Variants in SRRM3 observed in about 807,000 individuals in gnomAD.
SRRM3 encodes the protein serine/arginine repetitive matrix protein 3.
Under a neutral mutation model 66.2 loss-of-function variants are expected in SRRM3, and 27 were observed. The ratio of observed to expected loss-of-function variants is 0.41; its 90% confidence interval spans 0.30 to 0.56. The LOEUF (loss-of-function observed/expected upper bound fraction) is 0.56. SRRM3 is among the 20% of genes least tolerant of loss of function. The pLI is 0.32. For missense variants in SRRM3, 918 were observed against 991.9 expected (o/e 0.93, Z 1.00); for synonymous variants, 391 against 414.9 (o/e 0.94, Z 0.70).
chr7:76,227,164 T>C (rs1295546394), intron 1 of SRRM3, among the ~76,000 whole-genome samples: 1 of 142,894 alleles, frequency 7.0e-6, no homozygotes, highest in Non-Finnish European at 1.5e-5. Flanking sequence ...CAATCAGTGG[T>C]AGGGTAAAGA....
At chr7:76,255,302 A>G in intron 3 of SRRM3, among the ~76,000 whole-genome samples, 1 of 151,532 alleles carries the variant, frequency 6.6e-6, no homozygotes, top group Non-Finnish European at 1.5e-5. Context: ...GGCATGTGCC[A>G]CCACACCCAG....
intron 2 of SRRM3, among the ~76,000 whole-genome samples, chr7:76,240,374 A>G (rs1801253826): frequency 6.6e-6 from 1 of 152,062 alleles, no homozygotes; most frequent in African/African-American, 2.4e-5. Flanking sequence ...TAATCCCAGC[A>G]CTTTGGGAGG....
intron 1 of SRRM3, among the ~76,000 whole-genome samples, chr7:76,215,370 T>C (rs1474505993): frequency 6.8e-6 from 1 of 146,708 alleles, no homozygotes; most frequent in Admixed American, 6.9e-5. Flanking sequence ...AGTCCAATAC[T>C]GGGCTGGGAG....
At chr7:76,229,741 C>CTTTTTTT (rs869140956) in intron 1 of SRRM3, among the ~76,000 whole-genome samples, 15 of 133,102 alleles carry the variant, frequency 1.1e-4, no homozygotes, top group African/African-American at 1.4e-4. Context: ...TCTTCTTCTT[C>CTTTTTTT]TTTTTTTTTT....
intron 1 of SRRM3, among the ~76,000 whole-genome samples, chr7:76,227,011 C>T (rs563341809): frequency 6.6e-6 from 1 of 152,266 alleles, no homozygotes; most frequent in South Asian, 2.1e-4. Context: ...GGGACTTGTT[C>T]ATGGTCTCAC....
chr7:76,280,433 T>TG (rs1181321992), intron 11 of SRRM3, among the ~76,000 whole-genome samples: 17 of 106,514 alleles, frequency 1.6e-4, no homozygotes, highest in African/African-American at 5.9e-4. Context: ...CCCCAAGCGC[T>TG]GGGGGTCCGG....
intron 1 of SRRM3, among the ~76,000 whole-genome samples, chr7:76,210,683 G>A (rs1038786662): frequency 2.0e-5 from 3 of 152,238 alleles, no homozygotes; most frequent in Non-Finnish European, 4.4e-5. Flanking sequence ...TTGGGGGGGC[G>A]GGTAGTGCAC....
intron 11 of SRRM3, 52 bp downstream of exon 11, chr7:76,267,487 C>T: frequency 8.4e-6 from 8 of 953,988 alleles, no homozygotes; most frequent in East Asian, 1.2e-4. Context: ...CTGCGCCGTG[C>T]GTGGTCGGGC....
intron 11 of SRRM3, 140 bp downstream of exon 11, chr7:76,267,575 T>G: frequency 1.4e-6 from 1 of 708,408 alleles, no homozygotes; most frequent in Non-Finnish European, 2.0e-6. Flanking sequence ...CCTCCTCGGC[T>G]CCCCGCTGGG....
intron 1 of SRRM3, among the ~76,000 whole-genome samples, chr7:76,225,431 G>GA (rs1199565879): frequency 3.8e-5 from 5 of 130,664 alleles, no homozygotes; most frequent in Non-Finnish European, 7.4e-5. Context: ...GCAAGGCCAG[G>GA]AAAAAAAAGC....
chr7:76,256,498 ACT>A (rs1801716032), intron 3 of SRRM3, among the ~76,000 whole-genome samples: 1 of 150,268 alleles, frequency 6.7e-6, no homozygotes, highest in African/African-American at 2.5e-5. Context: ...CAAGAGCAAG[ACT>A]CTGTTTAAAA....
chr7:76,259,607 G>A (rs1554608228), intron 3 of SRRM3, among the ~76,000 whole-genome samples: 1 of 151,990 alleles, frequency 6.6e-6, no homozygotes, highest in Admixed American at 6.6e-5. Context: ...AGAGGAGGGG[G>A]CTTACTGAGA....
chr7:76,260,334 C>A (rs1801825540), intron 5 of SRRM3, 137 bp downstream of exon 5: 1 of 643,802 alleles, frequency 1.6e-6, no homozygotes, highest in South Asian at 2.5e-5. Flanking sequence ...CTCCCCGTGC[C>A]GTCCCCCGAC....
At chr7:76,219,687 T>C (rs1332986696) in intron 1 of SRRM3, among the ~76,000 whole-genome samples, 5 of 152,166 alleles carry the variant, frequency 3.3e-5, no homozygotes, top group African/African-American at 1.2e-4. Flanking sequence ...GGTGGGTGGA[T>C]CACTTGAGGT....
chr7:76,283,299 TG>T (rs1554612297), intron 14 of SRRM3, among the ~76,000 whole-genome samples, 198 bp downstream of exon 14: 1 of 147,938 alleles, frequency 6.8e-6, no homozygotes, highest in Admixed American at 6.7e-5. Flanking sequence ...CTGGAGGTGC[TG>T]GGGTCTATCA....
intron 3 of SRRM3, among the ~76,000 whole-genome samples, chr7:76,257,766 TG>T (rs1331033416): frequency 6.6e-6 from 1 of 151,634 alleles, no homozygotes; most frequent in Non-Finnish European, 1.5e-5. Context: ...GGTGAGACCC[TG>T]TCTCAAAAAA....
intron 10 of SRRM3, among the ~76,000 whole-genome samples, chr7:76,265,838 AT>A (rs1376613924): frequency 5.7e-3 from 46 of 8,034 alleles, no homozygotes; most frequent in African/African-American, 0.032. Flanking sequence ...TTATATATAT[AT>A]ATATATATAT....
intron 12 of SRRM3, 114 bp downstream of exon 12, chr7:76,281,916 A>T: frequency 1.2e-6 from 1 of 812,256 alleles, no homozygotes; most frequent in Non-Finnish European, 1.5e-6. Flanking sequence ...CCCTCCAGGG[A>T]TCCCAACCCC....
chr7:76,235,458 G>C (rs1801121507), intron 2 of SRRM3, among the ~76,000 whole-genome samples, 159 bp downstream of exon 2: 1 of 152,202 alleles, frequency 6.6e-6, no homozygotes, highest in South Asian at 2.1e-4. Flanking sequence ...GGGAACCCAA[G>C]AGCCTTGTCC....
Sources: allele counts gnomAD v4.1 joint callset (sites outside exome capture counted in the v4.1 genomes callset), GRCh38; gene constraint gnomAD v4.1.1; transcripts MANE v1.5; gene names NCBI Gene and HGNC (gene_info 2026-07-23, HGNC 2026-07-21).